RYR3: variants seen among roughly 807,000 people sequenced by gnomAD.
RYR3 encodes the protein brain ryanodine receptor-calcium release channel.
RYR3 carries 207 observed loss-of-function variants against 584.3 expected under a neutral mutation model. The observed-to-expected ratio is 0.35, with a 90% CI of 0.32 to 0.40. The LOEUF is 0.40. RYR3 is among the 10% of genes least tolerant of loss of function. The pLI is 1.00. For synonymous variants in RYR3, 2,416 were observed against 2,248.5 expected, an observed-to-expected ratio of 1.07 and a Z score of -2.11; for missense variants, 5,616 against 6,089.2, an observed-to-expected ratio of 0.92 and a Z score of 2.59.
chr15:33,469,072 G>T (rs1163310804), intron 1 of RYR3, among the ~76,000 whole-genome samples: 5 of 152,208 alleles, frequency 3.3e-5, no homozygotes, highest in African/African-American at 1.2e-4. Context: ...AAAACATATA[G>T]TGGGGGAGAA....
At chr15:33,800,970 C>T in intron 68 of RYR3, 113 bp downstream of exon 68, 1 of 799,132 alleles carries the variant, frequency 1.3e-6, no homozygotes, top group Non-Finnish European at 2.1e-6. Context: ...GTATTCTGAG[C>T]CACATGTGAG....
At chr15:33,859,471 C>G in intron 99 of RYR3, 104 bp from the exon 100 acceptor site, 1 of 1,336,368 alleles carries the variant, frequency 7.5e-7, no homozygotes, top group South Asian at 1.3e-5. Context: ...CCTCTCGTGG[C>G]TTAGGGCTGC....
At chr15:33,664,589 G>GTGTGTGTGTGTGTATATATATATATA (rs577496539) in intron 36 of RYR3, among the ~76,000 whole-genome samples, 1 of 91,382 alleles carries the variant, frequency 1.1e-5, no homozygotes, top group African/African-American at 4.4e-5. Flanking sequence ...GTGTGTGTGT[G>GTGTGTGTGTGTGTATATATATATATA]TATATATATA....
intron 12 of RYR3, among the ~76,000 whole-genome samples, chr15:33,573,788 A>G (rs1373772038): frequency 1.3e-5 from 2 of 152,202 alleles, no homozygotes; most frequent in Non-Finnish European, 2.9e-5. Flanking sequence ...ACTTATCTCT[A>G]TACATTGGGC....
chr15:33,346,397 C>A (rs1002307158), intron 1 of RYR3, among the ~76,000 whole-genome samples: 2 of 152,174 alleles, frequency 1.3e-5, no homozygotes, highest in Non-Finnish European at 2.9e-5. Flanking sequence ...TTCTCTTCTC[C>A]TTATTATTTA....
At chr15:33,442,244 T>C (rs763909995) in intron 1 of RYR3, among the ~76,000 whole-genome samples, 7 of 152,318 alleles carry the variant, frequency 4.6e-5, no homozygotes, top group Non-Finnish European at 1.0e-4. Flanking sequence ...AGAGAGGAAA[T>C]ATAGCTAAAA....
At chr15:33,525,173 G>A (rs1042377958) in intron 3 of RYR3, among the ~76,000 whole-genome samples, 7 of 152,058 alleles carry the variant, frequency 4.6e-5, no homozygotes, top group African/African-American at 7.2e-5. Context: ...TTTGCCATCC[G>A]CATCTCACAG....
chr15:33,680,846 A>G lies in RYR3; in HGVS notation c.5860+10290A>G, dbSNP rs570541304. On this transcript the variant is annotated intron_variant, in intron 38 of 103. Coordinates refer to ENST00000634891, the MANE Select transcript of RYR3 (RefSeq NM_001036.6). ...CATTATGCATGATGGTTACATCTTC[A>G]GCGTCTTTAATTTATTCAGGGGTAA... is the stretch of plus-strand genomic sequence containing the variant. 1.4e-4 allele frequency among the ~76,000 whole-genome samples: 22 copies of G among 152,352 alleles called. 1 individual carries two copies. Among genetic ancestry groups the G allele is most frequent in the African/African-American group, 5.0e-4 (21 of 41,588 alleles).
chr15:33,608,041 C>T (rs1343039175), intron 18 of RYR3, among the ~76,000 whole-genome samples: 2 of 152,218 alleles, frequency 1.3e-5, no homozygotes, highest in Admixed American at 1.3e-4. Flanking sequence ...CCAGAAACCC[C>T]TTGACCACTA....
chr15:33,817,007 T>A, intron 75 of RYR3, 49 bp downstream of exon 75: 3 of 1,146,380 alleles, frequency 2.6e-6, no homozygotes, highest in Non-Finnish European at 3.9e-6. Context: ...ATGAATTTGA[T>A]TTTCGAATTC....
intron 16 of RYR3, among the ~76,000 whole-genome samples, chr15:33,588,832 A>G (rs972741291): frequency 3.9e-5 from 6 of 152,160 alleles, no homozygotes; most frequent in African/African-American, 1.4e-4. Flanking sequence ...GTGTGTGTAT[A>G]TAAACCACAT....
At chr15:33,647,276 C>T (rs1313933284) in intron 29 of RYR3, 148 bp from the exon 30 acceptor site, 2 of 640,206 alleles carry the variant, frequency 3.1e-6, no homozygotes, top group East Asian at 2.8e-5. Context: ...ATGAATAAGT[C>T]CCAAGACTGG....
rs1453247388 is a variant in RYR3 at position 33,857,809 on chromosome 15, G to A, written c.14037G>A (p.Val4679=). The change falls in exon 99 of 104, where the codon GTG becomes GTA. Residue 4679 remains valine, a synonymous_variant. Transcript: ENST00000634891. ...QLVLTVGLLA[V]VVYLYTVVAF... is the part of the protein sequence containing the mutation. ...TTCTGACTGTCGGTCTCCTGGCCGT[G>A]GTGGTTTATCTCTATACTGTGGTGG... The A allele has an allele frequency of 3.1e-6, 5 of 1,614,002 alleles. No individual in the cohort carries two copies. Among genetic ancestry groups the A allele is most frequent in the African/African-American group, 1.3e-5 (1 of 74,908 alleles).
chr15:33,533,246 AGTG>A, intron 4 of RYR3, 62 bp from the exon 5 acceptor site: 1 of 1,075,856 alleles, frequency 9.3e-7, no homozygotes, highest in South Asian at 1.3e-5. Context: ...GAAGCTAACT[AGTG>A]GTAAGATACC....
chr15:33,535,770 C>T (rs1450584567), intron 5 of RYR3, among the ~76,000 whole-genome samples: 1 of 152,164 alleles, frequency 6.6e-6, no homozygotes, highest in Non-Finnish European at 1.5e-5. Context: ...GGCAACATTA[C>T]TCTTTTCATC....
intron 38 of RYR3, among the ~76,000 whole-genome samples, chr15:33,680,919 A>G (rs1181992348): frequency 2.0e-5 from 3 of 152,226 alleles, no homozygotes; most frequent in African/African-American, 4.8e-5. Flanking sequence ...GAGGGAGAAC[A>G]GGGCAAAAAG....
intron 1 of RYR3, among the ~76,000 whole-genome samples, chr15:33,443,238 GA>G (rs1424220641): frequency 2.5e-4 from 36 of 145,980 alleles, no homozygotes; most frequent in African/African-American, 9.1e-4. Context: ...CAGCCTGGGT[GA>G]GATAGTAAGA....
At chr15:33,784,218 C>T (rs139236702) in intron 65 of RYR3, among the ~76,000 whole-genome samples, 2 of 152,314 alleles carry the variant, frequency 1.3e-5, no homozygotes, top group Admixed American at 1.3e-4. Flanking sequence ...TATCTCTGCT[C>T]CATGCACTAT....
At chr15:33,503,433 T>C (rs749037371) in intron 2 of RYR3, among the ~76,000 whole-genome samples, 198 bp from the exon 3 acceptor site, 31 of 152,206 alleles carry the variant, frequency 2.0e-4, no homozygotes, top group Non-Finnish European at 4.1e-4. Context: ...ATTCCCTTGA[T>C]ATATGGGGCT....
Sources: gnomAD v4.1 joint callset for allele counts (sites outside exome capture counted in the v4.1 genomes callset) on GRCh38, gnomAD v4.1.1 for gene constraint, MANE v1.5 for transcripts, NCBI Gene and HGNC (gene_info 2026-07-23, HGNC 2026-07-21) for gene names.